TBC1D4: variants seen among roughly 807,000 people sequenced by gnomAD.
The protein encoded by TBC1D4 is TBC (Tre-2, BUB2, CDC16) domain-containing protein.
In TBC1D4, 121 loss-of-function variants were observed where a neutral mutation model predicts 142.5. The ratio of observed to expected loss-of-function variants is 0.85; its 90% CI spans 0.73 to 0.99. The LOEUF is 0.99. Among genes scored for constraint, TBC1D4 ranks in the 50% least tolerant of loss-of-function variants. The pLI is 0.00. For synonymous variants in TBC1D4, 630 were observed against 628.2 expected, an observed-to-expected ratio of 1.00 and a Z score of -0.04; for missense variants, 1,475 against 1,606.6, an observed-to-expected ratio of 0.92 and a Z score of 1.40.
intron 1 of TBC1D4, chr13:75,366,785 AT>A (rs1454807269): frequency 3.8e-6 from 1 of 262,390 alleles, no homozygotes; most frequent in East Asian, 1.8e-4. Flanking sequence ...ACCCATTAAC[AT>A]TTTATAAACT....
intron 17 of TBC1D4, among the ~76,000 whole-genome samples, chr13:75,297,074 A>G (rs1220651230): frequency 6.6e-6 from 1 of 152,216 alleles, no homozygotes; most frequent in Non-Finnish European, 1.5e-5. Flanking sequence ...TCTCACTTTA[A>G]AATGCAAAAG....
At chr13:75,354,135 T>C (rs1298638315) in intron 4 of TBC1D4, among the ~76,000 whole-genome samples, 4 of 152,158 alleles carry the variant, frequency 2.6e-5, no homozygotes, top group Admixed American at 1.3e-4. Context: ...GAACGACATA[T>C]GTGAAGAAGG....
intron 1 of TBC1D4, among the ~76,000 whole-genome samples, chr13:75,473,708 A>G (rs1888511225): frequency 6.6e-6 from 1 of 152,208 alleles, no homozygotes; most frequent in Admixed American, 6.5e-5. Context: ...GAGATCAGTA[A>G]AACAGTAATA....
intron 15 of TBC1D4, among the ~76,000 whole-genome samples, chr13:75,305,356 A>G (rs1228308294): frequency 6.6e-6 from 1 of 152,240 alleles, no homozygotes; most frequent in Non-Finnish European, 1.5e-5. Context: ...GTATCCAATA[A>G]GAAATAGGAA....
chr13:75,401,255 T>C (rs778831525), intron 1 of TBC1D4, among the ~76,000 whole-genome samples: 4 of 152,356 alleles, frequency 2.6e-5, no homozygotes, highest in Middle Eastern at 3.4e-3. Flanking sequence ...TCTTACTTCT[T>C]TTTAATTTCC....
intron 1 of TBC1D4, among the ~76,000 whole-genome samples, chr13:75,454,743 G>A (rs914570973): frequency 2.0e-5 from 3 of 152,176 alleles, no homozygotes; most frequent in African/African-American, 7.2e-5. Flanking sequence ...ATACTAACAA[G>A]CAAGACCTAA....
intron 1 of TBC1D4, among the ~76,000 whole-genome samples, chr13:75,430,303 C>G (rs1374288504): frequency 6.6e-6 from 1 of 152,178 alleles, no homozygotes; most frequent in African/African-American, 2.4e-5. Flanking sequence ...GCTTTAAAGG[C>G]TGACAGCTTT....
rs1418489078 is a variant in TBC1D4, at chr13:75,481,297, G to T, written c.471C>A (p.His157Gln). 1 of 1,594,606 alleles carries T rather than the reference G, an allele frequency of 6.3e-7. No individual in the cohort carries two copies. Among genetic ancestry groups the T allele is most frequent in the East Asian group, 2.3e-5 (1 of 43,250 alleles). ...PDDPESQMAC[H>Q]VFRATDPSQV... ...GGCTGGGGTCTGTGGCGCGGAAAAC[G>T]TGGCAGGCCATCTGCGACTCGGGGT... The change falls in exon 1 of 21, where the codon CAC becomes CAA. Residue 157 changes from histidine to glutamine, a missense_variant. Physicochemically the swap from His to Gln is conservative, Grantham distance 24. Transcript: ENST00000377636.
At chr13:75,342,664 A>G (rs1880809734) in intron 5 of TBC1D4, among the ~76,000 whole-genome samples, 2 of 152,088 alleles carry the variant, frequency 1.3e-5, no homozygotes, top group Non-Finnish European at 2.9e-5. Flanking sequence ...TTTAAAAAAG[A>G]AAGTTTAATT....
intron 1 of TBC1D4, among the ~76,000 whole-genome samples, chr13:75,371,848 A>C (rs929108888): frequency 3.9e-5 from 6 of 152,218 alleles, no homozygotes; most frequent in Non-Finnish European, 7.4e-5. Context: ...ATAAAGTTTG[A>C]AAAAAGTTTG....
Position 75,306,393 on chromosome 13 carries a change from A to T in TBC1D4, c.2672T>A (p.Ile891Lys). 1.7e-5 allele frequency: 27 copies of T among 1,613,422 alleles called. No individual in the cohort carries two copies. Among genetic ancestry groups the T allele is most frequent in the Non-Finnish European group, 2.3e-5 (27 of 1,179,790 alleles). Residue 891 changes from isoleucine (I) to lysine (K), a missense_variant, in exon 15 of 21, where the codon ATA becomes AAA. Transcript: ENST00000377636. ...EVGACQKEVLITWDKKLLNCR... is the reference protein window; with the variant it reads ...EVGACQKEVLKTWDKKLLNCR... Reference sequence around the variant, plus strand: ...GTTTAACAACTTCTTATCCCAAGTTATTAAGACCTCTTTCTGACATGCACC... The same window carrying T: ...GTTTAACAACTTCTTATCCCAAGTTTTTAAGACCTCTTTCTGACATGCACC...
chr13:75,417,945 A>C (rs999888869), intron 1 of TBC1D4, among the ~76,000 whole-genome samples: 10 of 152,200 alleles, frequency 6.6e-5, no homozygotes, highest in African/African-American at 2.4e-4. Context: ...TAATGATACT[A>C]CCACCACCAT....
intron 1 of TBC1D4, among the ~76,000 whole-genome samples, chr13:75,400,023 C>T (rs1885004163): frequency 6.6e-6 from 1 of 152,272 alleles, no homozygotes; most frequent in South Asian, 2.1e-4. Context: ...GTAAAGAAGC[C>T]ATCCTGAAAA....
rs1004264287 is a variant in TBC1D4 at position 75,415,549 on chromosome 13, G to A, written c.499-52942C>T. ...TAACAGACCACCAAATGTGCTTCTCGCAAGTAGTGACAAACTATATATCAC... is the reference window on the plus strand; with the variant it reads ...TAACAGACCACCAAATGTGCTTCTCACAAGTAGTGACAAACTATATATCAC... On this transcript the variant is annotated intron_variant, in intron 1 of 20. Coordinates refer to ENST00000377636, the MANE Select transcript of TBC1D4 (RefSeq NM_014832.5). Among the ~76,000 whole-genome samples the A allele has an allele frequency of 5.3e-5, 8 of 152,134 alleles. No individual in the cohort carries two copies. The East Asian group carries it at 5.8e-4, about 11-fold the overall frequency.
intron 12 of TBC1D4, among the ~76,000 whole-genome samples, chr13:75,315,397 T>TATAC (rs1417357449): frequency 9.6e-6 from 1 of 103,714 alleles, no homozygotes; most frequent in Non-Finnish European, 2.4e-5. Context: ...CATATATATA[T>TATAC]ACACACATAT....
intron 1 of TBC1D4, among the ~76,000 whole-genome samples, chr13:75,478,804 C>T (rs1687405017): frequency 6.6e-6 from 1 of 152,214 alleles, no homozygotes; most frequent in South Asian, 2.1e-4. Context: ...AACCTGGATG[C>T]TCTAAAGGAA....
chr13:75,390,435 C>T (rs1167009475), intron 1 of TBC1D4, among the ~76,000 whole-genome samples: 1 of 152,102 alleles, frequency 6.6e-6, no homozygotes, highest in Non-Finnish European at 1.5e-5. Context: ...AAAAATAGGG[C>T]TTACACCATG....
rs370699144 is a variant in TBC1D4 at position 75,362,598 on chromosome 13, C to T, written c.508G>A (p.Val170Ile). The T allele has an allele frequency of 6.2e-7, 1 of 1,613,942 alleles. No homozygotes were observed. Among genetic ancestry groups the T allele is most frequent in the African/African-American group, 1.3e-5 (1 of 75,024 alleles). The change falls in exon 2 of 21, where the codon GTT (valine) becomes ATT (isoleucine). Residue 170 changes from valine (V) to isoleucine (I), a missense_variant. Val to Ile is a conservative substitution (Grantham distance 29, BLOSUM62 3). Transcript: ENST00000377636. This position sits in a 1 kb window ranked among gnomAD's most constrained non-coding sequence, Gnocchi z 4.2. The part of the protein sequence containing the change: ...RATDPSQVPD[V>I]ISSIRQLSKA... ...GATAATTGCCTTATGCTGCTAATAA[C>T]ATCAGGAACCTGGGGGAAAAAATTA... is the stretch of plus-strand genomic sequence containing the variant.
intron 1 of TBC1D4, among the ~76,000 whole-genome samples, chr13:75,379,460 C>T (rs1883696597): frequency 6.6e-6 from 1 of 152,056 alleles, no homozygotes; most frequent in Non-Finnish European, 1.5e-5. Flanking sequence ...ATTTTGTTCA[C>T]CACTAAATAC....
Sources: gnomAD v4.1 joint callset for allele counts (sites outside exome capture counted in the v4.1 genomes callset) on GRCh38, gnomAD v4.1.1 for gene constraint, Gnocchi (gnomAD v3.1) non-coding constraint, MANE v1.5 for transcripts, NCBI Gene and HGNC (gene_info 2026-07-23, HGNC 2026-07-21) for gene names.